MBD5: variants seen among roughly 807,000 people sequenced by gnomAD.
MBD5 encodes methyl-CpG binding domain protein 5, also known as methyl-CpG-binding domain protein 5.
MBD5 carries 13 observed loss-of-function variants against 117.3 expected under a neutral mutation model. The observed-to-expected ratio is 0.11, with a 90% CI of 0.07 to 0.18. MBD5 has a LOEUF of 0.18. Among genes scored for constraint, MBD5 ranks in the 10% least tolerant of loss-of-function variants. The pLI is 1.00. For synonymous variants in MBD5, 727 were observed against 766.4 expected (o/e 0.95, Z 0.85); for missense variants, 1,879 against 2,093.8 (o/e 0.90, Z 2.00).
intron 1 of MBD5, chr2:148,062,569 T>A (rs1290482149): frequency 6.6e-6 from 1 of 152,060 alleles, no homozygotes; most frequent in African/African-American, 2.4e-5. Flanking sequence ...GTAAACAATG[T>A]TTTCTGAATT....
chr2:148,505,232 C>G (rs1341865413), intron 12 of MBD5, among the ~76,000 whole-genome samples: 1 of 152,130 alleles, frequency 6.6e-6, no homozygotes, highest in Non-Finnish European at 1.5e-5. Flanking sequence ...GAAACACTGA[C>G]TGAAGTGGAG....
chr2:148,292,232 A>G (rs564147140), intron 3 of MBD5, among the ~76,000 whole-genome samples: 3 of 152,220 alleles, frequency 2.0e-5, no homozygotes, highest in Admixed American at 6.5e-5. Flanking sequence ...CATTAAGTTA[A>G]AAAGCCTCTG....
chr2:148,304,189 G>A (rs558259495), intron 3 of MBD5, among the ~76,000 whole-genome samples: 2 of 152,174 alleles, frequency 1.3e-5, no homozygotes, highest in Admixed American at 1.3e-4. Flanking sequence ...CTGTACCCAG[G>A]CACTGTTTTA....
At chr2:148,348,149 T>G (rs1703166850) in intron 4 of MBD5, among the ~76,000 whole-genome samples, 1 of 152,046 alleles carries the variant, frequency 6.6e-6, no homozygotes, top group African/African-American at 2.4e-5. Context: ...TGCAGTGATA[T>G]TAGACCCTGA....
intron 2 of MBD5, among the ~76,000 whole-genome samples, chr2:148,217,186 G>T (rs1206999407): frequency 6.6e-6 from 1 of 152,182 alleles, no homozygotes; most frequent in Non-Finnish European, 1.5e-5. Context: ...TACGGTATGT[G>T]GGAGCAGAGA....
chr2:148,449,392 C>A (rs890711721), intron 4 of MBD5, among the ~76,000 whole-genome samples: 3 of 151,792 alleles, frequency 2.0e-5, no homozygotes, highest in Non-Finnish European at 4.4e-5. Flanking sequence ...AAGCTCAGTT[C>A]GTAATAATTT....
At chr2:148,461,658 C>T (rs1477257272) in intron 5 of MBD5, among the ~76,000 whole-genome samples, 1 of 152,150 alleles carries the variant, frequency 6.6e-6, no homozygotes, top group African/African-American at 2.4e-5. Context: ...AATTTCAAAG[C>T]ATAATATGTA....
intron 1 of MBD5, among the ~76,000 whole-genome samples, chr2:148,093,551 T>A (rs1695993379): frequency 1.3e-5 from 2 of 152,234 alleles, no homozygotes; most frequent in Non-Finnish European, 2.9e-5. Flanking sequence ...TTCATTATTA[T>A]ACTGGGTATA....
intron 3 of MBD5, among the ~76,000 whole-genome samples, chr2:148,299,459 G>A (rs1055894164): frequency 6.6e-6 from 1 of 152,000 alleles, no homozygotes; most frequent in African/African-American, 2.4e-5. Flanking sequence ...TTTGTCTAAA[G>A]TTGTTTGTAA....
chr2:148,140,787 G>C (rs1477683575), intron 1 of MBD5, among the ~76,000 whole-genome samples: 3 of 151,162 alleles, frequency 2.0e-5, no homozygotes, highest in African/African-American at 7.3e-5. Flanking sequence ...CCCGAAGATA[G>C]GGCCTATTGT....
chr2:148,145,769 G>C (rs147137156), intron 1 of MBD5, among the ~76,000 whole-genome samples: 1 of 152,078 alleles, frequency 6.6e-6, no homozygotes, highest in Non-Finnish European at 1.5e-5. Flanking sequence ...TGCATATGTC[G>C]AACCAGCCTT....
At position 148,468,677 on chromosome 2, in the gene MBD5, G is replaced by A; in HGVS notation, c.734G>A (p.Gly245Glu). The change falls in exon 8 of 14, where the codon GGA becomes GAA. Residue 245 changes from glycine to glutamate, a missense_variant. Physicochemically the swap from Gly to Glu is moderately conservative, Grantham distance 98. Coordinates refer to ENST00000642680, the MANE Select transcript of MBD5 (RefSeq NM_001378120.1). ...ATCTCTCCAAGGACTGACCCACTTG[G>A]AAGTCCTGATGTTTTCACAAGAAGT... ...GSISPRTDPL[G>E]SPDVFTRSNP... 1.2e-6 allele frequency: 2 copies of A among 1,613,864 alleles called. No individual in the cohort carries two copies. Among genetic ancestry groups the A allele is most frequent in the Non-Finnish European group, 1.7e-6 (2 of 1,179,836 alleles).
intron 4 of MBD5, among the ~76,000 whole-genome samples, chr2:148,447,043 A>G (rs1706556851): frequency 6.6e-6 from 1 of 151,412 alleles, no homozygotes; most frequent in Non-Finnish European, 1.5e-5. Context: ...ATTGCCAATG[A>G]TGGTGGAAAG....
intron 3 of MBD5, among the ~76,000 whole-genome samples, chr2:148,313,541 G>A (rs1292229865): frequency 2.6e-5 from 4 of 152,174 alleles, no homozygotes; most frequent in Non-Finnish European, 4.4e-5. Context: ...TGCTGGCCAC[G>A]AGAATTTCAA....
intron 4 of MBD5, among the ~76,000 whole-genome samples, chr2:148,413,105 G>A: frequency 6.6e-6 from 1 of 151,654 alleles, no homozygotes; most frequent in Non-Finnish European, 1.5e-5. Context: ...TGTCATAGAT[G>A]GTTCTTATTA....
intron 4 of MBD5, among the ~76,000 whole-genome samples, chr2:148,378,719 AG>A (rs1164022799): frequency 1.3e-5 from 2 of 152,072 alleles, no homozygotes; most frequent in Non-Finnish European, 2.9e-5. Context: ...GTGTTTATTT[AG>A]TACCCATATT....
chr2:148,479,378 C>T (rs944479115), intron 8 of MBD5, among the ~76,000 whole-genome samples: 1 of 152,124 alleles, frequency 6.6e-6, no homozygotes, highest in Non-Finnish European at 1.5e-5. Context: ...ACAAACACAC[C>T]AACACATAGC....
chr2:148,445,617 A>G (rs1007896678), intron 4 of MBD5, among the ~76,000 whole-genome samples: 2 of 151,406 alleles, frequency 1.3e-5, no homozygotes, highest in African/African-American at 4.9e-5. Context: ...GTATCTTTAT[A>G]GCAGCATGAT....
intron 8 of MBD5, among the ~76,000 whole-genome samples, chr2:148,479,888 CT>C (rs1430854225): frequency 1.3e-5 from 2 of 151,752 alleles, no homozygotes; most frequent in African/African-American, 4.8e-5. Context: ...AGCATATTGC[CT>C]TATAGTTATA....
Sources: allele counts gnomAD v4.1 joint callset (sites outside exome capture counted in the v4.1 genomes callset), GRCh38; gene constraint gnomAD v4.1.1; transcripts MANE v1.5; gene names NCBI Gene and HGNC (gene_info 2026-07-23, HGNC 2026-07-21).